Variants in FHL2 observed in about 807,000 individuals in gnomAD.
FHL2 encodes four and a half LIM domains protein 2.
A neutral mutation model predicts 32.7 loss-of-function variants in FHL2; 20 were observed. The observed-to-expected ratio is 0.61, with a 90% CI of 0.43 to 0.89. FHL2 has a LOEUF of 0.89. Ranked by LOEUF, FHL2 falls within the 40% of genes least tolerant of loss-of-function variation. The pLI, the probability that FHL2 is intolerant of heterozygous loss-of-function variation, is 0.00. For missense variants in FHL2, 311 were observed against 358.6 expected, an observed-to-expected ratio of 0.87 and a Z score of 1.07; for synonymous variants, 123 against 128.1, an observed-to-expected ratio of 0.96 and a Z score of 0.27.
intron 1 of FHL2, among the ~76,000 whole-genome samples, chr2:105,411,881 G>A (rs1016973160): frequency 4.6e-5 from 7 of 151,830 alleles, no homozygotes; most frequent in Admixed American, 3.9e-4. Flanking sequence ...TAGAGAGCCC[G>A]AGGGAAACTA....
Position 105,427,891 on chromosome 2 carries a change from A to G in FHL2, c.-25+10508T>C, listed in dbSNP as rs1439948128. On this transcript the variant is annotated intron_variant, in intron 1 of 5. Transcript: ENST00000393352. ...TTAAAAGTGCTCTCAAAAGTGCCTCAGTTTGGACCATAAATTCAATAGTCA... is the reference window on the plus strand; with the variant it reads ...TTAAAAGTGCTCTCAAAAGTGCCTCGGTTTGGACCATAAATTCAATAGTCA... 2.6e-5 allele frequency among the ~76,000 whole-genome samples: 4 copies of G among 152,198 alleles called. No homozygotes were observed. In the East Asian group the frequency reaches 7.7e-4, roughly 29 times the overall value.
chr2:105,400,021 T>C (rs1242886880), upstream of FHL2, among the ~76,000 whole-genome samples: 2 of 152,216 alleles, frequency 1.3e-5, no homozygotes, highest in Non-Finnish European at 2.9e-5. Context: ...GTAGGCCTCA[T>C]GGGTCTCCAT....
intron 2 of FHL2, among the ~76,000 whole-genome samples, chr2:105,394,940 TA>T (rs1286473517): frequency 6.6e-6 from 1 of 152,238 alleles, no homozygotes; most frequent in Non-Finnish European, 1.5e-5. Flanking sequence ...TATTGAATAC[TA>T]AAAATAAAGG....
chr2:105,436,072 T>A (rs1309668881), intron 1 of FHL2, among the ~76,000 whole-genome samples: 1 of 152,220 alleles, frequency 6.6e-6, no homozygotes, highest in Non-Finnish European at 1.5e-5. Flanking sequence ...ATCCATTAAA[T>A]TCAAATGAAG....
rs541135336 is a variant in FHL2, at chr2:105,419,079, T to C, written c.-25+19320A>G. Among the ~76,000 whole-genome samples the C allele has an allele frequency of 2.2e-4, 34 of 152,362 alleles. No individual in the cohort carries two copies. In the East Asian group the frequency reaches 6.6e-3, roughly 29 times the overall value. On this transcript the variant is annotated intron_variant, in intron 1 of 5. Transcript: ENST00000393352. Reference sequence around the variant, plus strand: ...CTTTAGTATATGTCTGTCCACAAAGTAGGCTTTCCTATACCCATACATCAG... The same window carrying C: ...CTTTAGTATATGTCTGTCCACAAAGCAGGCTTTCCTATACCCATACATCAG...
chr2:105,406,085 G>C (rs558431479), intron 1 of FHL2, among the ~76,000 whole-genome samples: 1 of 152,290 alleles, frequency 6.6e-6, no homozygotes, highest in East Asian at 1.9e-4. Flanking sequence ...TATTTCAGAA[G>C]GTACTTTAAA....
chr2:105,377,096 C>G (rs1681525331), intron 3 of FHL2, among the ~76,000 whole-genome samples: 1 of 152,154 alleles, frequency 6.6e-6, no homozygotes, highest in Admixed American at 6.5e-5. Flanking sequence ...TGCAATCAGA[C>G]CTTGGCGATG....
chr2:105,411,548 T>G (rs949115952), intron 1 of FHL2, among the ~76,000 whole-genome samples: 1 of 147,872 alleles, frequency 6.8e-6, no homozygotes, highest in Non-Finnish European at 1.5e-5. Context: ...GTTTTTTTTT[T>G]TTTTTTTTTT....
intron 1 of FHL2, among the ~76,000 whole-genome samples, chr2:105,436,401 A>G (rs879276181): frequency 1.3e-5 from 2 of 152,176 alleles, no homozygotes; most frequent in Non-Finnish European, 2.9e-5. Flanking sequence ...CTTCTCATCT[A>G]TCCAACTATT....
intron 1 of FHL2, among the ~76,000 whole-genome samples, chr2:105,407,447 G>A (rs575486041): frequency 9.9e-5 from 15 of 151,324 alleles, no homozygotes; most frequent in Admixed American, 9.9e-4. Flanking sequence ...ACATAAGGCT[G>A]CTATATAATG....
intron 2 of FHL2, chr2:105,390,244 AT>A (rs1339921033): frequency 6.5e-6 from 1 of 153,716 alleles, no homozygotes; most frequent in Non-Finnish European, 1.5e-5. Context: ...AAATAAAAAA[AT>A]AAATCTAAGA....
chr2:105,375,553 G>C (rs986777711), intron 3 of FHL2: 4 of 152,570 alleles, frequency 2.6e-5, no homozygotes, highest in Non-Finnish European at 4.4e-5. Context: ...CAGGAGAATC[G>C]CTTGAACCTG....
Position 105,387,169 on chromosome 2 carries a change from C to T in FHL2, c.-24-629G>A, listed in dbSNP as rs531123203. ...CTGACACCAGAGCCCCCATCCTGTCCGGCTGTGACCCGGCCTTGCATCTTC... is the reference window on the plus strand; with the variant it reads ...CTGACACCAGAGCCCCCATCCTGTCTGGCTGTGACCCGGCCTTGCATCTTC... On this transcript the variant is annotated intron_variant, in intron 2 of 6. Transcript: ENST00000530340. Among the ~76,000 whole-genome samples, 125 of 152,296 alleles carry T rather than the reference C, an allele frequency of 8.2e-4. 1 individual carries two copies. Among genetic ancestry groups the T allele is most frequent in the African/African-American group, 2.8e-3 (115 of 41,552 alleles).
intron 2 of FHL2, among the ~76,000 whole-genome samples, chr2:105,391,907 C>T (rs984548538): frequency 3.9e-5 from 6 of 152,196 alleles, no homozygotes; most frequent in East Asian, 1.9e-4. Flanking sequence ...AAACATAAGG[C>T]GCAACCCCTC....
chr2:105,368,784 C>T (rs1307297767), intron 4 of FHL2, among the ~76,000 whole-genome samples: 1 of 152,150 alleles, frequency 6.6e-6, no homozygotes, highest in Non-Finnish European at 1.5e-5. Context: ...AACAAGTACC[C>T]TTCATATAAA....
At chr2:105,363,187 T>C in intron 6 of FHL2, 98 bp downstream of exon 6, 1 of 1,170,186 alleles carries the variant, frequency 8.5e-7, no homozygotes, top group South Asian at 1.5e-5. Context: ...TAGGGAGGTC[T>C]GGGGAGTTGA....
chr2:105,404,743 C>G (rs1056351345), intron 1 of FHL2, among the ~76,000 whole-genome samples: 1 of 152,226 alleles, frequency 6.6e-6, no homozygotes, highest in African/African-American at 2.4e-5. Context: ...CTTTTCTTCT[C>G]CCTTCTGCCA....
At position 105,386,371 on chromosome 2, in the gene FHL2, C is replaced by T. The variant is rs1172142396; in HGVS notation, c.146G>A (p.Cys49Tyr). The change falls in exon 3 of 7, where the codon TGT (cysteine) becomes TAT (tyrosine). Residue 49 changes from cysteine to tyrosine, a missense_variant. Cys to Tyr is a radical substitution (Grantham distance 194, BLOSUM62 -2). Transcript: ENST00000530340. ...GCCCGCAGCAGGTACCTTGCAGTCA[C>T]AGCCGATGGGCTTCCCACACTCCTC... is the stretch of plus-strand genomic sequence containing the variant. ...TCEECGKPIG[C>Y]DCKDLSYKDR... The T allele has an allele frequency of 1.9e-6, 3 of 1,613,842 alleles. No individual in the cohort carries two copies. The highest frequency in any genetic ancestry group is 1.3e-5 in the African/African-American group (1 of 74,928).
At chr2:105,397,618 G>A (rs1440106142) in intron 1 of FHL2, among the ~76,000 whole-genome samples, 1 of 152,188 alleles carries the variant, frequency 6.6e-6, no homozygotes, top group Non-Finnish European at 1.5e-5. Context: ...TCTGTAGTAA[G>A]CCCATCATTA....
Sources: allele counts gnomAD v4.1 joint callset (sites outside exome capture counted in the v4.1 genomes callset), GRCh38; gene constraint gnomAD v4.1.1; transcripts MANE v1.5; gene names NCBI Gene and HGNC (gene_info 2026-07-23, HGNC 2026-07-21).